Variants in SSU72 observed in about 807,000 individuals in gnomAD.
SSU72 encodes the protein SSU72 homolog, RNA polymerase II CTD phosphatase.
In SSU72, 12 loss-of-function variants were observed where a neutral mutation model predicts 22.7. The observed-to-expected ratio is 0.53, with a 90% CI of 0.34 to 0.86. The LOEUF is 0.86. Among genes scored for constraint, SSU72 ranks in the 40% least tolerant of loss-of-function variants. The probability of loss-of-function intolerance (pLI) is 0.02; values close to 1 mark genes in which losing one functional copy is unlikely to be tolerated. For synonymous variants in SSU72, 116 were observed against 98.3 expected, an observed-to-expected ratio of 1.18 and a Z score of -1.06; for missense variants, 151 against 249.8, an observed-to-expected ratio of 0.60 and a Z score of 2.67.
rs1191968210 is a variant in SSU72, at chr1:1,543,929, G to C, written c.423C>G (p.Ile141Met). Reference sequence around the variant, plus strand: ...GGGTGGCCTCCTCGTGGTTGTCCTGGATGTCCACATTGACCACGTGCACAG... The same window carrying C: ...GGGTGGCCTCCTCGTGGTTGTCCTGCATGTCCACATTGACCACGTGCACAG... The part of the protein sequence containing the change: ...CQPVHVVNVD[I>M]QDNHEEATLG... Residue 141 changes from isoleucine to methionine, a missense_variant, in exon 4 of 5, where the codon ATC becomes ATG. Ile to Met is a conservative substitution (Grantham distance 10). Coordinates refer to ENST00000291386, the MANE Select transcript of SSU72 (RefSeq NM_014188.3). 6.2e-7 allele frequency: 1 copy of C among 1,614,124 alleles called. No homozygotes were observed.
intron 1 of SSU72, among the ~76,000 whole-genome samples, chr1:1,565,326 T>G (rs554898472): frequency 6.6e-6 from 1 of 152,170 alleles, no homozygotes; most frequent in Non-Finnish European, 1.5e-5. Context: ...TGAGCAGAGA[T>G]AGCACCACTG....
chr1:1,570,127 A>G (rs1642709700), intron 1 of SSU72, among the ~76,000 whole-genome samples: 1 of 152,068 alleles, frequency 6.6e-6, no homozygotes, highest in South Asian at 2.1e-4. Flanking sequence ...ATAAACAGGT[A>G]ATTTTCAAAA....
intron 3 of SSU72, 87 bp from the exon 4 acceptor site, chr1:1,544,074 C>T: frequency 9.8e-7 from 1 of 1,016,712 alleles, no homozygotes; most frequent in Non-Finnish European, 1.5e-6. Context: ...GCTCTGCCGG[C>T]TGCAGGCCCA....
In SSU72 at chr1:1,541,721, C is replaced by A; in HGVS notation, c.*345G>T. The A allele has an allele frequency of 3.8e-6, 1 of 261,354 alleles. No individual in the cohort carries two copies. The highest frequency in any genetic ancestry group is 7.5e-6 in the Non-Finnish European group (1 of 132,992). 16.2% of individuals were successfully genotyped at this position (261,354 alleles called of 1,614,324 possible). On this transcript the variant is annotated 3_prime_UTR_variant, in exon 5 of 5. Transcript: ENST00000291386. ...CAATTCCAGGTCATTCCTAACACGC[C>A]GCAGCAGGGCTCTGTACAGTCCGGC...
intron 2 of SSU72, among the ~76,000 whole-genome samples, chr1:1,550,296 G>A (rs909035911): frequency 2.0e-5 from 3 of 152,152 alleles, no homozygotes; most frequent in African/African-American, 4.8e-5. Flanking sequence ...CCGGCTGGGG[G>A]TAGCTGGTGC....
intron 1 of SSU72, among the ~76,000 whole-genome samples, chr1:1,573,564 G>A (rs751116688): frequency 2.0e-5 from 3 of 151,978 alleles, no homozygotes; most frequent in Non-Finnish European, 4.4e-5. Flanking sequence ...ATCCGCGTGC[G>A]TCGGCCTCCC....
chr1:1,548,951 C>A (rs1204536263), intron 2 of SSU72, among the ~76,000 whole-genome samples: 2 of 152,222 alleles, frequency 1.3e-5, no homozygotes, highest in African/African-American at 2.4e-5. Context: ...GCTGCATGGC[C>A]TCCTGAGTCT....
chr1:1,555,993 G>A (rs970870142), intron 2 of SSU72, among the ~76,000 whole-genome samples: 7 of 151,924 alleles, frequency 4.6e-5, no homozygotes, highest in Middle Eastern at 3.5e-3. Context: ...AGACCGTCTC[G>A]AAAAAATAAA....
chr1:1,564,886 T>G lies in SSU72; in HGVS notation c.111A>C (p.Gly37=). The change falls in exon 2 of 5, where the codon GGA becomes GGC. Residue 37 remains glycine (G), a synonymous_variant. Coordinates refer to ENST00000291386, the MANE Select transcript of SSU72 (RefSeq NM_014188.3). ...CTGGAAGCTTCACGTGAGTCCCTGT[T>G]CCAAAGGATCGGACGCTGAATCCCC... ...SKRGFSVRSF[G]TGTHVKLPGP... is the part of the protein sequence containing the mutation. 6.2e-7 allele frequency: 1 copy of G among 1,612,500 alleles called. No homozygotes were observed. The highest frequency in any genetic ancestry group is 2.2e-5 in the East Asian group (1 of 44,852).
At chr1:1,570,714 C>G (rs1642717991) in intron 1 of SSU72, among the ~76,000 whole-genome samples, 1 of 152,228 alleles carries the variant, frequency 6.6e-6, no homozygotes, top group Admixed American at 6.5e-5. Flanking sequence ...GAGCAGACAA[C>G]AGAACAAGAG....
chr1:1,553,616 A>G (rs960208697), intron 2 of SSU72, among the ~76,000 whole-genome samples: 1 of 107,118 alleles, frequency 9.3e-6, no homozygotes, highest in African/African-American at 5.6e-5. Flanking sequence ...TCTACTAAAA[A>G]TACAAAAAAA....
intron 2 of SSU72, among the ~76,000 whole-genome samples, chr1:1,549,825 T>C (rs1642435372): frequency 6.6e-6 from 1 of 151,440 alleles, no homozygotes; most frequent in Admixed American, 6.6e-5. Flanking sequence ...ATATAAAAAA[T>C]TAGCCGGGCA....
At chr1:1,568,895 G>A (rs1331548096) in intron 1 of SSU72, among the ~76,000 whole-genome samples, 1 of 152,028 alleles carries the variant, frequency 6.6e-6, no homozygotes, top group Non-Finnish European at 1.5e-5. Context: ...AATAAGGCCA[G>A]GCACGGTGGC....
At chr1:1,571,434 C>A (rs868116164) in intron 1 of SSU72, among the ~76,000 whole-genome samples, 1,503 of 112,780 alleles carry the variant, frequency 0.013, no homozygotes, top group Non-Finnish European at 0.018. Flanking sequence ...CCGACTTCAA[C>A]AAAAAAAAAA....
At chr1:1,543,359 CCA>C (rs1436835429) in intron 4 of SSU72, among the ~76,000 whole-genome samples, 2 of 152,226 alleles carry the variant, frequency 1.3e-5, no homozygotes, top group Non-Finnish European at 2.9e-5. Context: ...GCTGTGTCCG[CCA>C]CGGGGAAGAG....
At chr1:1,545,122 G>A in intron 2 of SSU72, 120 bp from the exon 3 acceptor site, 3 of 1,236,640 alleles carry the variant, frequency 2.4e-6, no homozygotes, top group Non-Finnish European at 3.4e-6. Flanking sequence ...CGGGACGAAG[G>A]CCTGGACAGC....
chr1:1,564,767 G>T lies in SSU72; in HGVS notation c.224+6C>A. On this transcript the variant is annotated splice_donor_region_variant and intron_variant, in intron 2 of 4. Transcript: ENST00000291386. ...GGGGTTTTTAAAGGGCAACCCGCTG[G>T]GATACAGTTCTTTGTCTTTCCTAAG... The T allele has an allele frequency of 6.2e-7, 1 of 1,614,192 alleles. No individual in the cohort carries two copies. Among genetic ancestry groups the T allele is most frequent in the South Asian group, 1.1e-5 (1 of 91,080 alleles).
chr1:1,563,698 A>T (rs1642623722), intron 2 of SSU72: 1 of 152,206 alleles, frequency 6.6e-6, no homozygotes, highest in Non-Finnish European at 1.5e-5. Flanking sequence ...CTAAAAATAC[A>T]AAAATTAGCC....
intron 2 of SSU72, chr1:1,560,837 T>A (rs1056602403): frequency 6.6e-6 from 1 of 152,166 alleles, no homozygotes; most frequent in African/African-American, 2.4e-5. Context: ...ATAATAATAA[T>A]AAATTAAGTA....
Sources: allele counts gnomAD v4.1 joint callset (sites outside exome capture counted in the v4.1 genomes callset), GRCh38; gene constraint gnomAD v4.1.1; transcripts MANE v1.5; gene names NCBI Gene and HGNC (gene_info 2026-07-23, HGNC 2026-07-21).